Variants in SPART observed in about 807,000 individuals in gnomAD.
The protein encoded by SPART is spastic paraplegia 20 (Troyer syndrome).
Under a neutral mutation model 58.7 loss-of-function variants are expected in SPART, and 35 were observed. That is an observed-to-expected ratio of 0.60 (90% confidence interval 0.46 to 0.79). The LOEUF is 0.79. Ranked by LOEUF, SPART falls within the 30% of genes least tolerant of loss-of-function variation. SPART has a pLI of 0.00. For synonymous variants in SPART, 284 were observed against 280.7 expected, an observed-to-expected ratio of 1.01 and a Z score of -0.12; for missense variants, 730 against 786.1, an observed-to-expected ratio of 0.93 and a Z score of 0.85.
At chr13:36,311,769 G>A (rs960669949) in intron 8 of SPART, among the ~76,000 whole-genome samples, 16 of 152,140 alleles carry the variant, frequency 1.1e-4, no homozygotes, top group Admixed American at 2.6e-4. Context: ...TATCTTGACC[G>A]TCATGGGTTT....
chr13:36,312,584 TATA>T, intron 6 of SPART, 107 bp from the exon 7 acceptor site: 2 of 1,194,246 alleles, frequency 1.7e-6, no homozygotes, highest in East Asian at 4.8e-5. Context: ...TGTTTTACTA[TATA>T]ATGTTACAAT....
intron 2 of SPART, 37 bp from the exon 3 acceptor site, chr13:36,331,633 T>A: frequency 7.2e-7 from 1 of 1,398,208 alleles, no homozygotes; most frequent in Non-Finnish European, 9.9e-7. Context: ...AATATACATA[T>A]AAATAAATGA....
chr13:36,339,627 CAAAAAAAAAA>C (rs71084420), intron 1 of SPART, among the ~76,000 whole-genome samples: 4 of 38,808 alleles, frequency 1.0e-4, no homozygotes, highest in African/African-American at 2.5e-4. Context: ...ACGACTCCAT[CAAAAAAAAAA>C]AAAAAAAAAA....
intron 4 of SPART, among the ~76,000 whole-genome samples, chr13:36,328,630 T>C (rs1203087922): frequency 6.6e-6 from 1 of 152,216 alleles, no homozygotes; most frequent in African/African-American, 2.4e-5. Flanking sequence ...AAATTTAAAC[T>C]TTTTCCACTA....
rs1254065697 is a variant in SPART at position 36,302,987 on chromosome 13, T to C, written c.*1378A>G. The C allele has an allele frequency of 6.6e-6, 1 of 152,216 alleles. No individual in the cohort carries two copies. Among genetic ancestry groups the C allele is most frequent in the Non-Finnish European group, 1.5e-5 (1 of 68,020 alleles). The allele number at this position is 152,216 out of a possible 1,614,324, so 9.4% of individuals were successfully genotyped here. On this transcript the variant is annotated 3_prime_UTR_variant, in exon 9 of 9. Coordinates refer to ENST00000438666, the MANE Select transcript of SPART (RefSeq NM_015087.5). ...ACAAATGAGAATATATGAAGTGCCA[T>C]TCCATTTCTTAAACAAAGCATAGAC...
At chr13:36,343,332 G>A (rs1474766880) in intron 1 of SPART, among the ~76,000 whole-genome samples, 1 of 152,054 alleles carries the variant, frequency 6.6e-6, no homozygotes, top group African/African-American at 2.4e-5. Context: ...TCTGTGGGGT[G>A]GGGGTGATAA....
intron 2 of SPART, among the ~76,000 whole-genome samples, chr13:36,333,492 ACT>A (rs1473441867): frequency 2.0e-5 from 3 of 150,654 alleles, no homozygotes; most frequent in Non-Finnish European, 4.4e-5. Flanking sequence ...TTTTAAGGAC[ACT>A]CTGCTACAAA....
At chr13:36,331,268 C>A (rs1883431805) in intron 3 of SPART, 131 bp downstream of exon 3, 1 of 831,436 alleles carries the variant, frequency 1.2e-6, no homozygotes, top group Non-Finnish European at 2.0e-6. Context: ...TAGTTGTGAA[C>A]ACACAAACAA....
chr13:36,329,246 G>A (rs1389235517), intron 4 of SPART, 116 bp downstream of exon 4: 1 of 1,112,388 alleles, frequency 9.0e-7, no homozygotes, highest in Non-Finnish European at 1.4e-6. Context: ...TCACTTTGTT[G>A]ACTAATGCAC....
chr13:36,319,192 C>T (rs1264852962), intron 5 of SPART, among the ~76,000 whole-genome samples: 1 of 142,822 alleles, frequency 7.0e-6, no homozygotes, highest in Admixed American at 7.2e-5. Context: ...CCCACCTGCC[C>T]AGTTCCCTTA....
At chr13:36,369,853 G>A (rs1326106833) in intron 1 of SPART, among the ~76,000 whole-genome samples, 1 of 152,110 alleles carries the variant, frequency 6.6e-6, no homozygotes, top group African/African-American at 2.4e-5. Flanking sequence ...GAGATCGCAG[G>A]CCTGGCTCTT....
chr13:36,355,848 A>AC (rs201053106), intron 1 of SPART, among the ~76,000 whole-genome samples: 10 of 151,960 alleles, frequency 6.6e-5, no homozygotes, highest in East Asian at 5.8e-4. Flanking sequence ...GGCAAAAAAA[A>AC]CCCCACAATT....
intron 4 of SPART, among the ~76,000 whole-genome samples, chr13:36,327,907 T>G (rs963316150): frequency 6.6e-6 from 1 of 152,110 alleles, no homozygotes; most frequent in African/African-American, 2.4e-5. Flanking sequence ...GACACGAGAA[T>G]TGCTTGAACC....
At chr13:36,356,879 G>T (rs1264721893) in intron 1 of SPART, among the ~76,000 whole-genome samples, 1 of 152,084 alleles carries the variant, frequency 6.6e-6, no homozygotes, top group East Asian at 1.9e-4. Flanking sequence ...ATTGAAATTT[G>T]TAAAATATTT....
intron 1 of SPART, among the ~76,000 whole-genome samples, chr13:36,354,498 T>C (rs140463604): frequency 0.012 from 1,858 of 152,274 alleles, 42 homozygotes; most frequent in African/African-American, 0.043. Flanking sequence ...CCAATAAAAA[T>C]CCTGGACACC....
Position 36,304,716 on chromosome 13 carries a change from G to T in SPART, c.1734-84C>A, listed in dbSNP as rs1035546302. The T allele has an allele frequency of 1.5e-5, 22 of 1,439,450 alleles. No individual in the cohort carries two copies. In the African/African-American group the frequency reaches 1.6e-4, roughly 10 times the overall value. The allele number at this position is 1,439,450 out of a possible 1,614,324, so 89.2% of individuals were successfully genotyped here. ...TGAATTAGTATTAAATAAGTCAAAT[G>T]ATTACTGTGTTACCCCTGAAAGCAA... On this transcript the variant is annotated intron_variant, in intron 8 of 8. Transcript: ENST00000438666.
chr13:36,350,759 T>A (rs1366433592), upstream of SPART, among the ~76,000 whole-genome samples: 2 of 152,208 alleles, frequency 1.3e-5, no homozygotes, highest in African/African-American at 2.4e-5. Flanking sequence ...CATGGCACTT[T>A]TGGGGCTTTT....
intron 5 of SPART, among the ~76,000 whole-genome samples, chr13:36,316,149 C>T (rs141752393): frequency 1.1e-4 from 17 of 152,334 alleles, no homozygotes; most frequent in East Asian, 3.9e-4. Flanking sequence ...AGACCATGAA[C>T]GTTTGCTGAA....
intron 1 of SPART, among the ~76,000 whole-genome samples, chr13:36,337,230 G>A (rs186512826): frequency 5.9e-5 from 9 of 152,306 alleles, no homozygotes; most frequent in Admixed American, 2.0e-4. Flanking sequence ...TCAGTATCAT[G>A]ATTAAATCTC....
Sources: allele counts gnomAD v4.1 joint callset (sites outside exome capture counted in the v4.1 genomes callset), GRCh38; gene constraint gnomAD v4.1.1; transcripts MANE v1.5; gene names NCBI Gene and HGNC (gene_info 2026-07-23, HGNC 2026-07-21).